The following NAA60 variants were observed in gnomAD, a reference collection of about 807,000 sequenced individuals.
NAA60 encodes the protein N-alpha-acetyltransferase 60.
In NAA60, 8 loss-of-function variants were observed where a neutral mutation model predicts 26.1. The observed-to-expected ratio is 0.31, with a 90% CI of 0.18 to 0.55. NAA60 has a LOEUF of 0.55. Among genes scored for constraint, NAA60 ranks in the 20% least tolerant of loss-of-function variants. The pLI is 0.93. For missense variants in NAA60, 290 were observed against 311.3 expected (o/e 0.93, Z 0.51); for synonymous variants, 131 against 122.5 (o/e 1.07, Z -0.46).
rs1298187896 is a variant in NAA60 at position 3,448,486 on chromosome 16, T to C, written c.-61T>C. On this transcript the variant is annotated 5_prime_UTR_variant, in exon 2 of 8. Coordinates refer to ENST00000407558, the MANE Select transcript of NAA60 (RefSeq NM_001083601.3). ...TCCCCTGCAGCATACAGAAAGGCTG[T>C]ACCTGGAGGAAGGAAGTGCGGAGCC... 1.3e-6 allele frequency: 2 copies of C among 1,535,526 alleles called. No homozygotes were observed. The highest frequency in any genetic ancestry group is 2.4e-5 in the East Asian group (1 of 40,902).
At chr16:3,445,765 G>T (rs1193521531) in intron 1 of NAA60, among the ~76,000 whole-genome samples, 1 of 152,060 alleles carries the variant, frequency 6.6e-6, no homozygotes, top group Non-Finnish European at 1.5e-5. Context: ...TAACTCAGTG[G>T]ATTACCAGAG....
chr16:3,478,084 AT>A (rs2036596365), intron 3 of NAA60, among the ~76,000 whole-genome samples: 4 of 150,644 alleles, frequency 2.7e-5, no homozygotes, highest in African/African-American at 4.9e-5. Context: ...AATAATAATA[AT>A]AATAAATAGG....
chr16:3,470,885 C>A (rs556315734), intron 2 of NAA60, among the ~76,000 whole-genome samples: 2 of 152,358 alleles, frequency 1.3e-5, no homozygotes, highest in African/African-American at 4.8e-5. Flanking sequence ...CCTGCCTCTT[C>A]TCTGCCCCTC....
chr16:3,469,831 C>T (rs1212827288), intron 2 of NAA60, among the ~76,000 whole-genome samples: 1 of 152,254 alleles, frequency 6.6e-6, no homozygotes, highest in Non-Finnish European at 1.5e-5. Context: ...TTTGTTCACA[C>T]AGGTGTTGCA....
At chr16:3,445,127 A>C (rs2034496220) in intron 1 of NAA60, among the ~76,000 whole-genome samples, 1 of 152,184 alleles carries the variant, frequency 6.6e-6, no homozygotes. Context: ...GTAAGAACAA[A>C]CTTGCCTACA....
chr16:3,481,565 T>C (rs1464798583), intron 4 of NAA60, among the ~76,000 whole-genome samples: 1 of 152,184 alleles, frequency 6.6e-6, no homozygotes, highest in Non-Finnish European at 1.5e-5. Context: ...GAGGCCGACA[T>C]GGGGACCCTT....
intron 2 of NAA60, among the ~76,000 whole-genome samples, chr16:3,471,040 C>A (rs763982717): frequency 6.6e-6 from 1 of 152,170 alleles, no homozygotes; most frequent in Non-Finnish European, 1.5e-5. Context: ...TGAAAATCCG[C>A]AGATCGTTGT....
chr16:3,471,581 G>A (rs923764525), intron 2 of NAA60, among the ~76,000 whole-genome samples: 1 of 152,158 alleles, frequency 6.6e-6, no homozygotes, highest in African/African-American at 2.4e-5. Flanking sequence ...CATCCACGGA[G>A]GTCAAGGCCT....
In NAA60 at chr16:3,470,968, A is replaced by G. The variant is rs1002017253; in HGVS notation, c.-6-5254A>G. 2.3e-4 allele frequency among the ~76,000 whole-genome samples: 28 copies of G among 124,008 alleles called. 1 individual carries two copies. Among genetic ancestry groups the G allele is most frequent in the South Asian group, 7.7e-4 (3 of 3,908 alleles). The allele number at this position is 124,008 out of a possible 152,430, so 81.4% of individuals were successfully genotyped here. A position where few individuals can be genotyped will look rare whatever the true frequency, so the allele number is the denominator to read the frequency against. On this transcript the variant is annotated intron_variant, in intron 2 of 7. Coordinates refer to ENST00000407558, the MANE Select transcript of NAA60 (RefSeq NM_001083601.3). ...CCTGACTTAGGTGTGACGCGTTTCC[A>G]TTTTTAAATCGAGTGTAAAGAACTG...
intron 2 of NAA60, among the ~76,000 whole-genome samples, chr16:3,468,620 G>A (rs978308656): frequency 5.9e-5 from 9 of 152,348 alleles, no homozygotes; most frequent in Middle Eastern, 3.4e-3. Context: ...GTGCCGAGGC[G>A]CAAGCACGGC....
At chr16:3,449,836 A>G (rs945858655) in intron 2 of NAA60, 3 of 359,872 alleles carry the variant, frequency 8.3e-6, no homozygotes, top group African/African-American at 4.2e-5. Context: ...AATGGTTTTT[A>G]AAAAGGGGAG....
chr16:3,443,861 G>A, intron 1 of NAA60, 24 bp downstream of exon 1: 2 of 1,528,526 alleles, frequency 1.3e-6, no homozygotes, highest in South Asian at 1.2e-5. Flanking sequence ...ACAGTGCCCT[G>A]TAGGCCTGAA....
intron 2 of NAA60, among the ~76,000 whole-genome samples, chr16:3,464,400 A>G (rs187724466): frequency 9.9e-5 from 15 of 152,230 alleles, no homozygotes; most frequent in Admixed American, 8.5e-4. Flanking sequence ...AGGCAACAAA[A>G]CCCAGCAGAT....
Position 3,458,176 on chromosome 16 carries a change from C to T in NAA60, c.-7+9636C>T, listed in dbSNP as rs2035107457. The T allele has an allele frequency of 8.1e-6, 8 of 984,970 alleles. No individual in the cohort carries two copies. The South Asian group carries it at 1.9e-4, about 23-fold the overall frequency. 61.0% of individuals were successfully genotyped at this position (984,970 alleles called of 1,614,324 possible). ...CACCCCCAGCGGCCGCCGGCTCCCCCACGAGGTGAGGTGGCGGGGGGCGGC... is the reference window on the plus strand; with the variant it reads ...CACCCCCAGCGGCCGCCGGCTCCCCTACGAGGTGAGGTGGCGGGGGGCGGC... On this transcript the variant is annotated intron_variant, in intron 2 of 7. Coordinates refer to ENST00000407558, the MANE Select transcript of NAA60 (RefSeq NM_001083601.3).
chr16:3,458,192 G>T (rs1037087666), intron 2 of NAA60: 84 of 984,460 alleles, frequency 8.5e-5, no homozygotes, highest in Non-Finnish European at 9.5e-5. Context: ...GTGAGGTGGC[G>T]GGGGGCGGCC....
At chr16:3,472,313 G>C (rs915401976) in intron 2 of NAA60, 10 of 152,218 alleles carry the variant, frequency 6.6e-5, no homozygotes, top group African/African-American at 2.4e-4. Context: ...GGACAACAGA[G>C]GCCTTGCATT....
chr16:3,482,400 G>T, intron 4 of NAA60, 102 bp from the exon 5 acceptor site: 4 of 918,156 alleles, frequency 4.4e-6, no homozygotes, highest in Non-Finnish European at 6.9e-6. Context: ...GTGTCCCTCT[G>T]GCTGTCGTGG....
chr16:3,484,607 A>G, intron 6 of NAA60, 92 bp from the exon 7 acceptor site: 2 of 1,490,500 alleles, frequency 1.3e-6, no homozygotes, highest in Non-Finnish European at 1.8e-6. Context: ...CCATCTGCAC[A>G]CAGTCCCACA....
chr16:3,458,296 G>T (rs1361206355), intron 2 of NAA60: 3 of 675,196 alleles, frequency 4.4e-6, no homozygotes, highest in Non-Finnish European at 5.5e-6. Context: ...CCGGGTACGA[G>T]CGCGCTGGTG....
Sources: allele counts gnomAD v4.1 joint callset (sites outside exome capture counted in the v4.1 genomes callset), GRCh38; gene constraint gnomAD v4.1.1; transcripts MANE v1.5; gene names NCBI Gene and HGNC (gene_info 2026-07-23, HGNC 2026-07-21).